The following PPP1CA variants were observed in gnomAD, a reference collection of about 807,000 sequenced individuals.
PPP1CA encodes the protein protein phosphatase 1 catalytic subunit alpha.
Under a neutral mutation model 38.5 loss-of-function variants are expected in PPP1CA, and 14 were observed. The ratio of observed to expected loss-of-function variants is 0.36; its 90% confidence interval spans 0.24 to 0.57. The LOEUF is 0.57. Ranked by LOEUF, PPP1CA falls within the 20% of genes least tolerant of loss-of-function variation. The probability of loss-of-function intolerance (pLI) is 0.80; values close to 1 mark genes in which losing one functional copy is unlikely to be tolerated. For missense variants in PPP1CA, 277 were observed against 435.2 expected (o/e 0.64, Z 3.23); for synonymous variants, 200 against 177.3 (o/e 1.13, Z -1.02).
Position 67,399,106 on chromosome 11 carries a change from T to C in PPP1CA, c.581A>G (p.Asp194Gly). ...ACACAGCAGGCCCTGGTCAGGCACA[T>C]CTGTGGGCCGCATGATCCGCCGAAT... ...EQIRRIMRPT[D>G]VPDQGLLCDL... Residue 194 changes from aspartate (D) to glycine (G), a missense_variant, in exon 5 of 7, where the codon GAT (aspartate) becomes GGT (glycine). Physicochemically the swap from Asp to Gly is moderately conservative, Grantham distance 94 (BLOSUM62 -1). Around this residue, in one of 3 missense-constraint regions of PPP1CA, gnomAD observed 180 missense variants for 356.7 expected, o/e 0.50. Coordinates refer to ENST00000376745, the MANE Select transcript of PPP1CA (RefSeq NM_002708.4). The C allele has an allele frequency of 6.2e-7, 1 of 1,613,548 alleles. No homozygotes were observed. The highest frequency in any genetic ancestry group is 8.5e-7 in the Non-Finnish European group (1 of 1,180,010).
Position 67,401,215 on chromosome 11 carries a change from G to C in PPP1CA, c.56-16C>G. On this transcript the variant is annotated splice_polypyrimidine_tract_variant and intron_variant, in intron 1 of 6. Coordinates refer to ENST00000376745, the MANE Select transcript of PPP1CA (RefSeq NM_002708.4). The stretch of plus-strand genomic sequence containing the variant: ...GAGCCCTGCACTGGGGCGCAATGGG[G>C]TGTCAGGACCCTGGACCCTGACAGG... 1 of 1,613,460 alleles carries C rather than the reference G, an allele frequency of 6.2e-7. No homozygotes were observed. The highest frequency in any genetic ancestry group is 8.5e-7 in the Non-Finnish European group (1 of 1,179,802).
chr11:67,401,577 C>T (rs1862891761), intron 1 of PPP1CA, 151 bp downstream of exon 1: 2 of 670,432 alleles, frequency 3.0e-6, no homozygotes, highest in Non-Finnish European at 4.3e-6. Context: ...ACCTCTCAGG[C>T]GCGTCCGCGG....
At chr11:67,399,744 G>T in intron 3 of PPP1CA, 79 bp from the exon 4 acceptor site, 1 of 1,213,874 alleles carries the variant, frequency 8.2e-7, no homozygotes, top group Non-Finnish European at 1.2e-6. Context: ...AGCCGTGGCT[G>T]GGAGGAGAGA....
In PPP1CA at chr11:67,400,735, G is replaced by A. The variant is rs1191712367; in HGVS notation, c.372C>T (p.Asn124=). 1.4e-5 allele frequency: 23 copies of A among 1,614,032 alleles called. No individual in the cohort carries two copies. Among genetic ancestry groups the A allele is most frequent in the Non-Finnish European group, 1.9e-5 (23 of 1,180,032 alleles). The change falls in exon 3 of 7, where the codon AAC becomes AAT. Residue 124 remains asparagine (N), a synonymous_variant. Transcript: ENST00000376745. The stretch of plus-strand genomic sequence containing the variant: ...TGCGGTTGATGCTGGCACACTCGTG[G>A]TTCCCACGGAGCAGGAAGAAGTTCT... The part of the protein sequence containing the change: ...YPENFFLLRG[N]HECASINRIY...
intron 3 of PPP1CA, 53 bp downstream of exon 3, chr11:67,400,636 G>A: frequency 2.0e-6 from 3 of 1,527,082 alleles, no homozygotes; most frequent in South Asian, 1.1e-5. Flanking sequence ...CCCACTGAAT[G>A]GCAAAGAGTG....
Position 67,400,813 on chromosome 11 carries a change from C to T in PPP1CA, c.294G>A (p.Lys98=), listed in dbSNP as rs772024267. 4 of 1,614,006 alleles carry T rather than the reference C, an allele frequency of 2.5e-6. No homozygotes were observed. In the Admixed American group the frequency reaches 6.7e-5, roughly 27 times the overall value. The change falls in exon 3 of 7, where the codon AAG becomes AAA. Residue 98 remains lysine (K), a synonymous_variant. Transcript: ENST00000376745. ...GCAGGCAGATGGTCTCCAAGGACTG[C>T]TTGCCCCTGTCCACATAGTCCCCCA... ...LFLGDYVDRG[K]QSLETICLLL... is the part of the protein sequence containing the mutation.
chr11:67,398,556 A>C lies in PPP1CA; in HGVS notation c.972T>G (p.Asn324Lys). The change falls in exon 7 of 7, where the codon AAT becomes AAG. Residue 324 changes from asparagine (N) to lysine (K), a missense_variant. Asn to Lys is a moderately conservative substitution (Grantham distance 94). Around this residue, in one of 3 missense-constraint regions of PPP1CA, gnomAD observed 53 missense variants for 51.1 expected, o/e 1.04. Transcript: ENST00000376745. ...GGGGCTATTTCTTGGCTTTGGCGGA[A>C]TTGCGGGGTGGGGTGATGGGTCGGC... ...PGGRPITPPR[N>K]SAKAKK 1 of 1,613,854 alleles carries C rather than the reference A, an allele frequency of 6.2e-7. No individual in the cohort carries two copies. Among genetic ancestry groups the C allele is most frequent in the Non-Finnish European group, 8.5e-7 (1 of 1,179,882 alleles).
chr11:67,398,969 C>T lies in PPP1CA; in HGVS notation c.718G>A (p.Asp240Asn), dbSNP rs771391700. ...TGTGCTCGGCAGATGAGGTCCAAGT[C>T]GTGCTTGTGGAGGAACTTGGCCACC... ...EVVAKFLHKHDLDLICRAHQV... is the reference protein window; with the variant it reads ...EVVAKFLHKHNLDLICRAHQV... The change falls in exon 5 of 7, where the codon GAC (aspartate) becomes AAC (asparagine). Residue 240 changes from aspartate to asparagine, a missense_variant. By Grantham distance (23) the Asp-to-Asn change is conservative. Transcript: ENST00000376745. 3.1e-6 allele frequency: 5 copies of T among 1,613,342 alleles called. No homozygotes were observed. Among genetic ancestry groups the T allele is most frequent in the Middle Eastern group, 1.6e-4 (1 of 6,062 alleles).
intron 1 of PPP1CA, chr11:67,401,493 A>G: frequency 1.7e-6 from 1 of 584,878 alleles, no homozygotes; most frequent in Non-Finnish European, 2.9e-6. Flanking sequence ...CCTCGCCCCA[A>G]GAGCCCAGGC....
rs777308177 is a variant in PPP1CA, at chr11:67,401,187, C to T, written c.68G>A (p.Arg23Gln). Residue 23 changes from arginine to glutamine, a missense_variant, in exon 2 of 7, where the codon CGG becomes CAG. Arg to Gln is a conservative substitution (Grantham distance 43). Coordinates refer to ENST00000376745, the MANE Select transcript of PPP1CA (RefSeq NM_002708.4). ...TGTCAGCTGTACATTCTTGCCAGGC[C>T]GCGAGCCCTGCACTGGGGCGCAATG... is the stretch of plus-strand genomic sequence containing the variant. Reference protein sequence around the residue: ...IGRLLEVQGSRPGKNVQLTEN... With the variant: ...IGRLLEVQGSQPGKNVQLTEN... 1.2e-6 allele frequency: 2 copies of T among 1,613,862 alleles called. No homozygotes were observed. The highest frequency in any genetic ancestry group is 1.7e-6 in the Non-Finnish European group (2 of 1,179,996).
Position 67,400,857 on chromosome 11 carries a change from C to T in PPP1CA, c.250G>A (p.Glu84Lys), listed in dbSNP as rs750924472. The change falls in exon 3 of 7, where the codon GAG (glutamate) becomes AAG (lysine). Residue 84 changes from glutamate to lysine, a missense_variant. Transcript: ENST00000376745. ...RLFEYGGFPP[E>K]SNYLFLGDYV... ...TCCCCCAGAAAGAGGTAGTTGCTCT[C>T]GGGAGGGAAACCGCCATACTCAAAT... 6.2e-7 allele frequency: 1 copy of T among 1,614,028 alleles called. No individual in the cohort carries two copies. The highest frequency in any genetic ancestry group is 8.5e-7 in the Non-Finnish European group (1 of 1,180,012).
Position 67,400,862 on chromosome 11 carries a change from G to C in PPP1CA, c.245C>G (p.Pro82Arg). Residue 82 changes from proline (P) to arginine (R), a missense_variant, in exon 3 of 7, where the codon CCT becomes CGT. This residue lies in a region of PPP1CA where 180 missense variants were observed against 356.7 expected (regional missense o/e 0.50). Transcript: ENST00000376745. ...LLRLFEYGGFPPESNYLFLGD... is the reference protein window; with the variant it reads ...LLRLFEYGGFRPESNYLFLGD... ...CAGAAAGAGGTAGTTGCTCTCGGGA[G>C]GGAAACCGCCATACTCAAATAGTCG... is the stretch of plus-strand genomic sequence containing the variant. The C allele has an allele frequency of 6.2e-7, 1 of 1,614,130 alleles. No individual in the cohort carries two copies. Among genetic ancestry groups the C allele is most frequent in the Non-Finnish European group, 8.5e-7 (1 of 1,180,032 alleles).
Position 67,400,948 on chromosome 11 carries a change from A to T in PPP1CA, c.188-29T>A, listed in dbSNP as rs772346689. The T allele has an allele frequency of 6.8e-6, 11 of 1,611,726 alleles. No individual in the cohort carries two copies. In the East Asian group the frequency reaches 2.0e-4, roughly 29 times the overall value. ...TGACCCAGGGAACCGGGTAAGCTAG[A>T]TGCAAGGTCTAGACCTGAACCCAGG... On this transcript the variant is annotated intron_variant, in intron 2 of 6. Transcript: ENST00000376745.
intron 3 of PPP1CA, among the ~76,000 whole-genome samples, chr11:67,399,967 C>G: frequency 6.6e-6 from 1 of 152,160 alleles, no homozygotes; most frequent in East Asian, 1.9e-4. Flanking sequence ...GAAACCTCGT[C>G]TCTACTAAAA....
intron 3 of PPP1CA, 22 bp from the exon 4 acceptor site, chr11:67,399,687 T>TGAGGTGCCTGC: frequency 1.3e-6 from 2 of 1,591,140 alleles, no homozygotes; most frequent in Non-Finnish European, 1.7e-6. Flanking sequence ...GAGGTGGCTG[T>TGAGGTGCCTGC]GAGGTGCCTG....
At position 67,401,121 on chromosome 11, in the gene PPP1CA, A is replaced by G; in HGVS notation, c.134T>C (p.Ile45Thr). The G allele has an allele frequency of 1.2e-6, 2 of 1,613,438 alleles. No individual in the cohort carries two copies. The highest frequency in any genetic ancestry group is 1.7e-6 in the Non-Finnish European group (2 of 1,179,876). The change falls in exon 2 of 7, where the codon ATT becomes ACT. Residue 45 changes from isoleucine to threonine, a missense_variant. Physicochemically the swap from Ile to Thr is moderately conservative, Grantham distance 89. This residue lies in a region of PPP1CA where 180 missense variants were observed against 356.7 expected (regional missense o/e 0.50). Transcript: ENST00000376745. ...IRGLCLKSRE[I>T]FLSQPILLEL... is the part of the protein sequence containing the mutation. The stretch of plus-strand genomic sequence containing the variant: ...CAGAAGAATGGGCTGGCTCAGAAAA[A>G]TCTCCCGGGATTTCAGGCACAGACC...
At chr11:67,401,513 G>A (rs890164992) in intron 1 of PPP1CA, 1 of 561,360 alleles carries the variant, frequency 1.8e-6, no homozygotes, top group East Asian at 3.1e-5. Context: ...CAACCCGTGC[G>A]CCCCCAGCCC....
Position 67,398,398 on chromosome 11 carries a change from GAAAAGA to G in PPP1CA, c.*131_*136del. The G allele has an allele frequency of 1.1e-6, 1 of 884,730 alleles. No homozygotes were observed. The highest frequency in any genetic ancestry group is 2.9e-5 in the Admixed American group (1 of 34,930). The allele number at this position is 884,730 out of a possible 1,614,324, so 54.8% of individuals were successfully genotyped here. A position where few individuals can be genotyped will look rare whatever the true frequency, so the allele number is the denominator to read the frequency against. ...CGCTGCTATTGATTCATTAAAAAAA[GAAAAGA>G]AAAATACACCAAGGCTCCATGTTCC... On this transcript the variant is annotated 3_prime_UTR_variant, in exon 7 of 7. Coordinates refer to ENST00000376745, the MANE Select transcript of PPP1CA (RefSeq NM_002708.4).
intron 4 of PPP1CA, 132 bp from the exon 5 acceptor site, chr11:67,399,295 G>A: frequency 1.2e-6 from 1 of 859,282 alleles, no homozygotes; most frequent in Non-Finnish European, 1.8e-6. Context: ...TAGACAGGCA[G>A]AAGTCATCCC....
Sources: gnomAD v4.1 joint callset for allele counts (sites outside exome capture counted in the v4.1 genomes callset) on GRCh38, gnomAD v4.1.1 for gene constraint, gnomAD v4.1.1 regional missense constraint, MANE v1.5 for transcripts, NCBI Gene and HGNC (gene_info 2026-07-23, HGNC 2026-07-21) for gene names.